Variants in EIF4E observed in about 807,000 individuals in gnomAD.
The protein encoded by EIF4E is eIF-4F 25 kDa subunit.
For synonymous variants in EIF4E, 71 were observed against 88.5 expected, an observed-to-expected ratio of 0.80 and a Z score of 1.11; for missense variants, 113 against 265.6, an observed-to-expected ratio of 0.43 and a Z score of 3.99.
rs145658682 is a variant in EIF4E, at chr4:98,887,733, A to T, written c.285+156T>A. Among the ~76,000 whole-genome samples, 1 of 152,202 alleles carries T rather than the reference A, an allele frequency of 6.6e-6. No homozygotes were observed. The highest frequency in any genetic ancestry group is 2.1e-4 in the South Asian group (1 of 4,834). ...CTCTCAATTTTTATAAACAAATAGA[A>T]TAAGATATATTGATACTAAAGCATA... On this transcript the variant is annotated intron_variant, in intron 4 of 6. Coordinates refer to ENST00000450253, the MANE Select transcript of EIF4E (RefSeq NM_001968.5). The surrounding 1 kb of genome is among the most constrained non-coding windows in gnomAD (Gnocchi z 4.0).
At chr4:98,893,116 G>A (rs954585083) in intron 2 of EIF4E, among the ~76,000 whole-genome samples, 2 of 152,086 alleles carry the variant, frequency 1.3e-5, no homozygotes, top group Non-Finnish European at 2.9e-5. Flanking sequence ...CTATACTGTA[G>A]TCTACATTAT....
At chr4:98,891,104 G>C (rs1413946207) in intron 3 of EIF4E, 133 bp downstream of exon 3, 3 of 947,104 alleles carry the variant, frequency 3.2e-6, no homozygotes, top group African/African-American at 3.3e-5. Context: ...TCAAACTTTT[G>C]TGAGGAGATA....
At chr4:98,920,066 A>G (rs925979223) in intron 1 of EIF4E, among the ~76,000 whole-genome samples, 2 of 152,212 alleles carry the variant, frequency 1.3e-5, no homozygotes, top group Non-Finnish European at 2.9e-5. Context: ...GTTCTCCTGG[A>G]CAGACTTTTT....
chr4:98,908,141 T>C (rs892972826), intron 1 of EIF4E, among the ~76,000 whole-genome samples: 5 of 152,148 alleles, frequency 3.3e-5, no homozygotes, highest in African/African-American at 9.7e-5. Context: ...ATAATTTCTA[T>C]CTATCCTCAG....
At chr4:98,905,231 T>TAAA (rs72074867) in intron 1 of EIF4E, among the ~76,000 whole-genome samples, 134 of 140,566 alleles carry the variant, frequency 9.5e-4, no homozygotes, top group African/African-American at 3.0e-3. Context: ...TCAGGGAATT[T>TAAA]AAAAAAAAAA....
At chr4:98,923,369 G>A (rs1330888129) in intron 1 of EIF4E, among the ~76,000 whole-genome samples, 1 of 151,088 alleles carries the variant, frequency 6.6e-6, no homozygotes, top group Non-Finnish European at 1.5e-5. Flanking sequence ...AGGCTGGAAT[G>A]CAGTGGTGTG....
At chr4:98,911,447 G>A (rs1427277538) in intron 1 of EIF4E, among the ~76,000 whole-genome samples, 14 of 148,984 alleles carry the variant, frequency 9.4e-5, no homozygotes, top group Admixed American at 9.3e-4. Flanking sequence ...AGCATCTGAG[G>A]TTGGGAGTTT....
At chr4:98,889,975 A>T (rs886678600) in intron 3 of EIF4E, among the ~76,000 whole-genome samples, 2 of 152,230 alleles carry the variant, frequency 1.3e-5, no homozygotes, top group Non-Finnish European at 2.9e-5. Flanking sequence ...ATAAATTATT[A>T]GGCCTTAAAT....
intron 1 of EIF4E, among the ~76,000 whole-genome samples, chr4:98,917,528 A>G (rs1196724462): frequency 2.0e-5 from 3 of 152,162 alleles, no homozygotes; most frequent in Admixed American, 2.0e-4. Flanking sequence ...CCTTCATCCA[A>G]TAGTGGCAAT....
chr4:98,894,011 G>A (rs1474324708), intron 2 of EIF4E, among the ~76,000 whole-genome samples: 3 of 152,218 alleles, frequency 2.0e-5, no homozygotes, highest in Non-Finnish European at 4.4e-5. Flanking sequence ...ATTCATCTCT[G>A]TCAGAGCTCT....
At chr4:98,907,250 T>G (rs932235214) in intron 1 of EIF4E, among the ~76,000 whole-genome samples, 1 of 152,258 alleles carries the variant, frequency 6.6e-6, no homozygotes, top group Non-Finnish European at 1.5e-5. Context: ...AAAGTCATTT[T>G]AAAGTAAATT....
intron 2 of EIF4E, among the ~76,000 whole-genome samples, chr4:98,896,507 A>AC (rs1724405968): frequency 6.7e-6 from 1 of 148,926 alleles, no homozygotes; most frequent in Non-Finnish European, 1.5e-5. Context: ...AAAAAAAAAA[A>AC]AAACACCTTA....
chr4:98,902,849 CA>C (rs1171172222), intron 1 of EIF4E, among the ~76,000 whole-genome samples: 2 of 151,488 alleles, frequency 1.3e-5, no homozygotes, highest in Non-Finnish European at 2.9e-5. Flanking sequence ...CAAAAACAAA[CA>C]AAACAAAACA....
At chr4:98,898,670 C>CA (rs1258359058) in intron 2 of EIF4E, among the ~76,000 whole-genome samples, 1 of 151,740 alleles carries the variant, frequency 6.6e-6, no homozygotes, top group Non-Finnish European at 1.5e-5. Flanking sequence ...CTTAGGTTAA[C>CA]ATGTGATAGA....
chr4:98,921,204 A>G (rs1264781124), intron 1 of EIF4E, among the ~76,000 whole-genome samples: 1 of 152,198 alleles, frequency 6.6e-6, no homozygotes, highest in Admixed American at 6.5e-5. Flanking sequence ...AAAAAGAACT[A>G]TAAGAAAAAA....
At chr4:98,920,429 G>T (rs988982198) in intron 1 of EIF4E, among the ~76,000 whole-genome samples, 7 of 151,904 alleles carry the variant, frequency 4.6e-5, no homozygotes, top group African/African-American at 1.4e-4. Context: ...GCCTTAGCTG[G>T]GACTACAGGC....
intron 1 of EIF4E, among the ~76,000 whole-genome samples, chr4:98,907,307 A>T (rs1314105658): frequency 1.3e-5 from 2 of 152,074 alleles, no homozygotes; most frequent in Non-Finnish European, 2.9e-5. Flanking sequence ...ACTCCCAGAT[A>T]CCCTATTTCC....
At chr4:98,883,156 C>T (rs1723769957) in intron 6 of EIF4E, among the ~76,000 whole-genome samples, 1 of 151,774 alleles carries the variant, frequency 6.6e-6, no homozygotes, top group African/African-American at 2.4e-5. Context: ...CCTGTGGTCC[C>T]AGCTATTCAG....
intron 1 of EIF4E, among the ~76,000 whole-genome samples, chr4:98,926,735 G>A (rs969473097): frequency 1.3e-5 from 2 of 152,082 alleles, no homozygotes; most frequent in Non-Finnish European, 2.9e-5. Flanking sequence ...CACATCCCTA[G>A]GAATTAAGTT....
Sources: allele counts gnomAD v4.1 joint callset (sites outside exome capture counted in the v4.1 genomes callset), GRCh38; gene constraint gnomAD v4.1.1; non-coding constraint Gnocchi (gnomAD v3.1); transcripts MANE v1.5; gene names NCBI Gene and HGNC (gene_info 2026-07-23, HGNC 2026-07-21).